The following KNTC1 variants were observed in gnomAD, a reference collection of about 807,000 sequenced individuals.
KNTC1 encodes the protein kinetochore associated 1, also known as kinetochore-associated protein 1.
Under a neutral mutation model 314.4 loss-of-function variants are expected in KNTC1, and 253 were observed. That is an observed-to-expected ratio of 0.80 (90% CI 0.73 to 0.89). The LOEUF (loss-of-function observed/expected upper bound fraction) is 0.89, where lower values mean the gene tolerates loss of function less well. Ranked by LOEUF, KNTC1 falls within the 40% of genes least tolerant of loss-of-function variation. KNTC1 has a pLI of 0.00. For synonymous variants in KNTC1, 901 were observed against 901.4 expected, an observed-to-expected ratio of 1.00 and a Z score of 0.01; for missense variants, 2,475 against 2,572.9, an observed-to-expected ratio of 0.96 and a Z score of 0.82.
chr12:122,579,848 A>G (rs1965284746), intron 31 of KNTC1, 57 bp from the exon 32 acceptor site: 1 of 1,161,038 alleles, frequency 8.6e-7, no homozygotes, highest in Admixed American at 1.9e-5. Context: ...TATATGTACT[A>G]CTGAAGTGGT....
chr12:122,612,073 T>C (rs1173550867), intron 53 of KNTC1, among the ~76,000 whole-genome samples: 1 of 140,456 alleles, frequency 7.1e-6, no homozygotes, highest in East Asian at 1.9e-4. Flanking sequence ...TTTTTTGTGT[T>C]TTTTTTTTTT....
chr12:122,585,063 G>A (rs1869038163), intron 36 of KNTC1, 73 bp downstream of exon 36: 1 of 836,786 alleles, frequency 1.2e-6, no homozygotes, highest in Non-Finnish European at 2.0e-6. Flanking sequence ...TTTCGGACAG[G>A]GTTTTGTTCT....
At chr12:122,576,679 C>G (rs559201275) in intron 29 of KNTC1, among the ~76,000 whole-genome samples, 44 of 149,504 alleles carry the variant, frequency 2.9e-4, no homozygotes, top group African/African-American at 9.1e-4. Context: ...GACTCTGTCT[C>G]AAAAAAAAGA....
intron 12 of KNTC1, 23 bp downstream of exon 12, chr12:122,547,992 G>C (rs1962916930): frequency 5.4e-6 from 8 of 1,471,174 alleles, no homozygotes; most frequent in Non-Finnish European, 7.3e-6. Flanking sequence ...TTTATTTTGT[G>C]CTTGCCTATA....
At chr12:122,594,156 A>G (rs1168594286) in intron 42 of KNTC1, 120 bp from the exon 43 acceptor site, 3 of 633,140 alleles carry the variant, frequency 4.7e-6, no homozygotes, top group African/African-American at 1.8e-5. Flanking sequence ...TGGAGGAGCT[A>G]TAGACAAATG....
At position 122,539,833 on chromosome 12, in the gene KNTC1, G is replaced by C. The variant is rs943484185; in HGVS notation, c.445+79G>C. Reference sequence around the variant, plus strand: ...GTCTCCCTTTGTCGCCCAGGCTGGAGTGCAGTGGCGCAATCTCAGGTCACT... The same window carrying C: ...GTCTCCCTTTGTCGCCCAGGCTGGACTGCAGTGGCGCAATCTCAGGTCACT... On this transcript the variant is annotated intron_variant, in intron 5 of 63. Transcript: ENST00000333479. The C allele has an allele frequency of 1.9e-5, 17 of 898,330 alleles. No homozygotes were observed. The Middle Eastern group carries it at 2.1e-3, about 109-fold the overall frequency. The allele number at this position is 898,330 out of a possible 1,614,324, so 55.6% of individuals were successfully genotyped here. A position where few individuals can be genotyped will look rare whatever the true frequency, so the allele number is the denominator to read the frequency against.
At position 122,613,117 on chromosome 12, in the gene KNTC1, A is replaced by T; in HGVS notation, c.5628A>T (p.Leu1876Phe). 6.2e-7 allele frequency: 1 copy of T among 1,600,318 alleles called. No homozygotes were observed. Among genetic ancestry groups the T allele is most frequent in the Non-Finnish European group, 8.6e-7 (1 of 1,168,524 alleles). Residue 1876 changes from leucine (L) to phenylalanine (F), a missense_variant, in exon 54 of 64, where the codon TTA becomes TTT. By Grantham distance (22) the Leu-to-Phe change is conservative (BLOSUM62 0). Coordinates refer to ENST00000333479, the MANE Select transcript of KNTC1 (RefSeq NM_014708.6). ...FVFATSTTTTLGMHQLTFAHR... is the reference protein window; with the variant it reads ...FVFATSTTTTFGMHQLTFAHR... ...AACCTCTTTTGGTTTTTCAGACATT[A>T]GGTATGCATCAGTTAACTTTTGCCC...
At position 122,543,643 on chromosome 12, in the gene KNTC1, A is replaced by G; in HGVS notation, c.558+9A>G. ...TCAGTACAGCAAAAAAGGTAAGAAA[A>G]TAAATCCATATTGTCCTCTTAAAAA... On this transcript the variant is annotated intron_variant, in intron 7 of 63. Transcript: ENST00000333479. The G allele has an allele frequency of 1.3e-6, 2 of 1,519,852 alleles. No homozygotes were observed. The highest frequency in any genetic ancestry group is 1.8e-6 in the Non-Finnish European group (2 of 1,119,094). The allele number at this position is 1,519,852 out of a possible 1,614,324, so 94.1% of individuals were successfully genotyped here.
chr12:122,578,065 C>T lies in KNTC1; in HGVS notation c.2841+274C>T, dbSNP rs148010357. The stretch of plus-strand genomic sequence containing the variant: ...TTGTACACGAAAGGTTTCTATAAAG[C>T]GTTGCAATATAAACAATGTTTTGTG... On this transcript the variant is annotated intron_variant, in intron 31 of 63. Coordinates refer to ENST00000333479, the MANE Select transcript of KNTC1 (RefSeq NM_014708.6). 3.9e-3 allele frequency among the ~76,000 whole-genome samples: 595 copies of T among 152,128 alleles called. 5 individuals carry two copies. Among genetic ancestry groups the T allele is most frequent in the African/African-American group, 8.4e-3 (349 of 41,494 alleles).
chr12:122,549,666 G>C, intron 12 of KNTC1, 100 bp from the exon 13 acceptor site: 1 of 677,868 alleles, frequency 1.5e-6, no homozygotes. Context: ...ACGCCCAGCC[G>C]CTCCCATGTG....
chr12:122,551,335 T>C lies in KNTC1; in HGVS notation c.1103T>C (p.Leu368Ser), dbSNP rs779982973. The change falls in exon 14 of 64, where the codon TTA (leucine) becomes TCA (serine). Residue 368 changes from leucine (L) to serine (S), a missense_variant. Coordinates refer to ENST00000333479, the MANE Select transcript of KNTC1 (RefSeq NM_014708.6). ...TGISTDTIYL[L>S]EGVCKNDPKL... ...TTATTGTAGGATACCATATACCTTT[T>C]AGAAGGAGTTTGCAAAAATGATCCA... The C allele has an allele frequency of 6.3e-7, 1 of 1,586,652 alleles. No individual in the cohort carries two copies. Among genetic ancestry groups the C allele is most frequent in the Admixed American group, 1.7e-5 (1 of 57,994 alleles).
In KNTC1 at chr12:122,621,965, C is replaced by A; in HGVS notation, c.6364C>A (p.His2122Asn). Residue 2122 changes from histidine (H) to asparagine (N), a missense_variant, in exon 61 of 64, where the codon CAT (histidine) becomes AAT (asparagine). His to Asn is a moderately conservative substitution (Grantham distance 68). Coordinates refer to ENST00000333479, the MANE Select transcript of KNTC1 (RefSeq NM_014708.6). ...MNTGQLAGFS[H>N]QIRSLILNNI... ...CACGGGCCAGCTAGCAGGATTTTCA[C>A]ATCAAGTAAGAGGCGATTTCATCTC... 1 of 1,601,008 alleles carries A rather than the reference C, an allele frequency of 6.2e-7. No individual in the cohort carries two copies. The highest frequency in any genetic ancestry group is 1.1e-5 in the South Asian group (1 of 88,894).
chr12:122,557,469 A>C lies in KNTC1; in HGVS notation c.1358A>C (p.Gln453Pro). Residue 453 changes from glutamine to proline, a missense_variant, in exon 17 of 64, where the codon CAA becomes CCA. Physicochemically the swap from Gln to Pro is moderately conservative, Grantham distance 76. Transcript: ENST00000333479. ...GCCAGTGAACAGACCGAATGGCAAC[A>C]ACTTGTAGACGACGCTAAGGAAAAT... The part of the protein sequence containing the change: ...VDASEQTEWQ[Q>P]LVDDAKENLH... The C allele has an allele frequency of 6.2e-7, 1 of 1,613,892 alleles. No homozygotes were observed. The highest frequency in any genetic ancestry group is 1.7e-5 in the Admixed American group (1 of 60,000).
rs781369158 is a variant in KNTC1 at position 122,557,687 on chromosome 12, A to C, written c.1486A>C (p.Arg496=). Residue 496 remains arginine, a splice_region_variant and synonymous_variant, in exon 18 of 64, where the codon AGG becomes CGG. Transcript: ENST00000333479. ...TQEMLNYAKT[R]LLKKEDKTAL... The stretch of plus-strand genomic sequence containing the variant: ...AGAGATGCTGAATTATGCCAAAACC[A>C]GGGTAGGTTCGTTTTTTTGTATTTT... 11 of 1,611,244 alleles carry C rather than the reference A, an allele frequency of 6.8e-6. No homozygotes were observed. The highest frequency in any genetic ancestry group is 8.5e-6 in the Non-Finnish European group (10 of 1,178,648).
At chr12:122,557,773 T>G in intron 18 of KNTC1, 84 bp downstream of exon 18, 1 of 914,320 alleles carries the variant, frequency 1.1e-6, no homozygotes, top group South Asian at 1.5e-5. Flanking sequence ...CAAATATATC[T>G]TTTCCTCCTA....
At position 122,621,798 on chromosome 12, in the gene KNTC1, G is replaced by C. The variant is rs1412568767; in HGVS notation, c.6280-83G>C. ...AATAGATTTCTTTTGGCACTTAGAA[G>C]AGCAAAATACCTGATCAACGGCTCT... On this transcript the variant is annotated intron_variant, in intron 60 of 63. Transcript: ENST00000333479. 4.7e-6 allele frequency: 4 copies of C among 848,590 alleles called. No homozygotes were observed. The African/African-American group carries it at 5.2e-5, about 11-fold the overall frequency. The allele number at this position is 848,590 out of a possible 1,614,324, so 52.6% of individuals were successfully genotyped here.
intron 13 of KNTC1, among the ~76,000 whole-genome samples, chr12:122,550,997 T>G (rs1028808674): frequency 6.6e-6 from 1 of 152,240 alleles, no homozygotes; most frequent in African/African-American, 2.4e-5. Flanking sequence ...CCATTTGTCC[T>G]GTTATGGGTG....
intron 3 of KNTC1, among the ~76,000 whole-genome samples, chr12:122,537,088 A>G (rs190972256): frequency 6.6e-6 from 1 of 152,302 alleles, no homozygotes; most frequent in East Asian, 1.9e-4. Flanking sequence ...AGCCAGTTAC[A>G]TACTATTGTT....
intron 16 of KNTC1, among the ~76,000 whole-genome samples, chr12:122,555,766 T>C (rs767009453): frequency 4.0e-5 from 6 of 151,490 alleles, no homozygotes; most frequent in Non-Finnish European, 7.4e-5. Context: ...GGAGAATCGC[T>C]TGAACCCGGG....
Sources: allele counts gnomAD v4.1 joint callset (sites outside exome capture counted in the v4.1 genomes callset), GRCh38; gene constraint gnomAD v4.1.1; transcripts MANE v1.5; gene names NCBI Gene and HGNC (gene_info 2026-07-23, HGNC 2026-07-21).